The following DPP6 variants were observed in gnomAD, a reference collection of about 807,000 sequenced individuals.
DPP6 encodes dipeptidyl peptidase like 6, also known as A-type potassium channel modulatory protein DPP6.
DPP6 carries 69 observed loss-of-function variants against 122.6 expected under a neutral mutation model. The observed-to-expected ratio is 0.56, with a 90% CI of 0.46 to 0.69. The LOEUF (loss-of-function observed/expected upper bound fraction) is 0.69, where lower values mean the gene tolerates loss of function less well. Ranked by LOEUF, DPP6 falls within the 30% of genes least tolerant of loss-of-function variation. DPP6 has a pLI of 0.00. For missense variants in DPP6, 928 were observed against 1,116.9 expected (o/e 0.83, Z 2.41); for synonymous variants, 418 against 433.1 (o/e 0.97, Z 0.43).
rs187869149 is a variant in DPP6, at chr7:154,683,717, T to G, written c.762+14276T>G. Among the ~76,000 whole-genome samples the G allele has an allele frequency of 4.6e-5, 7 of 152,174 alleles. No homozygotes were observed. The East Asian group carries it at 1.4e-3, about 29-fold the overall frequency. On this transcript the variant is annotated intron_variant, in intron 7 of 25. Transcript: ENST00000377770. The stretch of plus-strand genomic sequence containing the variant: ...CATGCTTTGTGAAGCCCACCTGAGG[T>G]GCCATCACTCCCCTGACCTCTCCTG...
At chr7:154,832,011 A>C (rs769282632) in intron 16 of DPP6, among the ~76,000 whole-genome samples, 3 of 152,242 alleles carry the variant, frequency 2.0e-5, no homozygotes, top group Non-Finnish European at 2.9e-5. Context: ...AGAAGAATGC[A>C]ATTCATCTTA....
chr7:153,924,058 T>G lies in DPP6; in HGVS notation c.51+36324T>G, dbSNP rs142764216. On this transcript the variant is annotated intron_variant, in intron 1 of 25. Transcript: ENST00000404039. ...GGGTAACCCTGAGCTGGTTATGCAG[T>G]CTCTCTGTTAGTTTCCTTATATGTG... Among the ~76,000 whole-genome samples, 213 of 152,242 alleles carry G rather than the reference T, an allele frequency of 1.4e-3. 1 individual carries two copies. The highest frequency in any genetic ancestry group is 4.9e-3 in the African/African-American group (203 of 41,546).
intron 1 of DPP6, among the ~76,000 whole-genome samples, chr7:153,980,391 T>C (rs1169812935): frequency 6.6e-6 from 1 of 152,210 alleles, no homozygotes; most frequent in African/African-American, 2.4e-5. Context: ...TCAGTGTTGA[T>C]ATCCCCTTTA....
intron 1 of DPP6, among the ~76,000 whole-genome samples, chr7:154,275,094 C>T (rs1804043099): frequency 6.6e-6 from 1 of 152,278 alleles, no homozygotes; most frequent in African/African-American, 2.4e-5. Context: ...TTCCGGCACG[C>T]TGCCAGAGCT....
At chr7:154,514,336 C>G (rs1227452816) in intron 3 of DPP6, among the ~76,000 whole-genome samples, 1 of 152,120 alleles carries the variant, frequency 6.6e-6, no homozygotes, top group Non-Finnish European at 1.5e-5. Context: ...CCCTCTCCTT[C>G]TCATACTTTC....
chr7:153,900,973 A>G (rs1799619530), intron 1 of DPP6, among the ~76,000 whole-genome samples: 1 of 152,178 alleles, frequency 6.6e-6, no homozygotes, highest in Non-Finnish European at 1.5e-5. Flanking sequence ...TTTTGTTATT[A>G]AGGAAGAATT....
At chr7:153,989,929 G>C (rs1346068994) in intron 1 of DPP6, among the ~76,000 whole-genome samples, 1 of 149,850 alleles carries the variant, frequency 6.7e-6, no homozygotes, top group Non-Finnish European at 1.5e-5. Flanking sequence ...CCTCGCAGTG[G>C]CCAGCCCCGC....
At chr7:154,352,542 G>A (rs1371763494) in intron 1 of DPP6, among the ~76,000 whole-genome samples, 2 of 152,096 alleles carry the variant, frequency 1.3e-5, no homozygotes, top group East Asian at 3.8e-4. Context: ...GGATGAAGCT[G>A]GAAGCCATCA....
intron 2 of DPP6, among the ~76,000 whole-genome samples, chr7:154,467,785 GAC>G (rs1434112590): frequency 1.3e-5 from 2 of 152,166 alleles, no homozygotes; most frequent in Non-Finnish European, 2.9e-5. Context: ...CATTCCATTA[GAC>G]AAGTGGCTCT....
intron 8 of DPP6, among the ~76,000 whole-genome samples, chr7:154,740,763 C>T (rs60814504): frequency 0.012 from 1,890 of 152,200 alleles, 36 homozygotes; most frequent in African/African-American, 0.042. Context: ...GGTATCTCGG[C>T]CTTTTTGTCC....
chr7:154,683,649 CACTG>C (rs1839420829), intron 7 of DPP6, among the ~76,000 whole-genome samples: 1 of 152,076 alleles, frequency 6.6e-6, no homozygotes, highest in Non-Finnish European at 1.5e-5. Flanking sequence ...AAAATCCTTC[CACTG>C]TTTTCCACTG....
intron 1 of DPP6, among the ~76,000 whole-genome samples, chr7:154,006,890 G>A (rs1314137578): frequency 2.0e-5 from 3 of 152,236 alleles, no homozygotes; most frequent in East Asian, 1.9e-4. Flanking sequence ...GGTAAGAGTG[G>A]TATAGCAGCT....
intron 1 of DPP6, among the ~76,000 whole-genome samples, chr7:153,934,313 T>C (rs1801323176): frequency 6.6e-6 from 1 of 151,348 alleles, no homozygotes; most frequent in Non-Finnish European, 1.5e-5. Context: ...GAATGTACTC[T>C]GCAGGGGTGT....
At chr7:154,359,542 G>C (rs1344478802) in intron 1 of DPP6, among the ~76,000 whole-genome samples, 1 of 152,116 alleles carries the variant, frequency 6.6e-6, no homozygotes. Flanking sequence ...CTTAGTTTCA[G>C]TGGCTTGCTC....
chr7:153,895,416 C>T (rs1799366837), intron 1 of DPP6, among the ~76,000 whole-genome samples: 1 of 152,200 alleles, frequency 6.6e-6, no homozygotes, highest in South Asian at 2.1e-4. Flanking sequence ...AACTCCCTCT[C>T]CCAGTTAAGG....
chr7:154,388,633 G>A (rs1277258315), intron 1 of DPP6, among the ~76,000 whole-genome samples: 2 of 152,110 alleles, frequency 1.3e-5, no homozygotes, highest in Non-Finnish European at 2.9e-5. Context: ...TGATGCCCAG[G>A]CCAGCGTGCT....
rs558939016 is a variant in DPP6, at chr7:154,463,424, G to A, written c.359-11515G>A. ...GGGTTTCACCGTGTTAGCCAGGATG[G>A]TCTCGATCTCCTGACCTCGTGATCC... On this transcript the variant is annotated intron_variant, in intron 2 of 25. Coordinates refer to ENST00000377770, the MANE Select transcript of DPP6 (RefSeq NM_130797.4). Among the ~76,000 whole-genome samples the A allele has an allele frequency of 7.5e-4, 114 of 151,888 alleles. 2 individuals carry two copies. The highest frequency in any genetic ancestry group is 2.6e-3 in the African/African-American group (107 of 41,462).
chr7:154,060,033 A>AG (rs1801459736), intron 1 of DPP6, among the ~76,000 whole-genome samples: 3 of 151,382 alleles, frequency 2.0e-5, no homozygotes, highest in Admixed American at 6.6e-5. Context: ...ACCCCCCGCG[A>AG]GGCGGGGACT....
In DPP6 at chr7:154,008,912, G is replaced by A. The variant is rs1353010890; in HGVS notation, c.51+121178G>A. ...GATCTCCTGACCTCGTGATCCGCCC[G>A]CCTCGGCCTCCCAAAGTGCTGGGAT... On this transcript the variant is annotated intron_variant, in intron 1 of 25. Transcript: ENST00000404039. Among the ~76,000 whole-genome samples the A allele has an allele frequency of 1.3e-4, 19 of 149,372 alleles. No individual in the cohort carries two copies. In the East Asian group the frequency reaches 2.6e-3, roughly 20 times the overall value.
Sources: allele counts gnomAD v4.1 joint callset (sites outside exome capture counted in the v4.1 genomes callset), GRCh38; gene constraint gnomAD v4.1.1; transcripts MANE v1.5; gene names NCBI Gene and HGNC (gene_info 2026-07-23, HGNC 2026-07-21).